ZNF567: variants seen among roughly 807,000 people sequenced by gnomAD.
The protein encoded by ZNF567 is zinc finger protein 567.
ZNF567 carries 36 observed loss-of-function variants against 53.9 expected under a neutral mutation model. The observed-to-expected ratio is 0.67, with a 90% CI of 0.51 to 0.88. The LOEUF is 0.88. Ranked by LOEUF, ZNF567 falls within the 40% of genes least tolerant of loss-of-function variation. The pLI, the probability that ZNF567 is intolerant of heterozygous loss-of-function variation, is 0.00. For missense variants in ZNF567, 619 were observed against 764.7 expected, an observed-to-expected ratio of 0.81 and a Z score of 2.25; for synonymous variants, 224 against 260.4, an observed-to-expected ratio of 0.86 and a Z score of 1.35.
intron 3 of ZNF567, among the ~76,000 whole-genome samples, chr19:36,707,388 C>T (rs1259559077): frequency 6.6e-6 from 1 of 152,140 alleles, no homozygotes. Context: ...TGCTTTCTTT[C>T]TCTTCAAGTT....
At chr19:36,713,672 C>T (rs2039902154) in intron 5 of ZNF567, among the ~76,000 whole-genome samples, 2 of 152,034 alleles carry the variant, frequency 1.3e-5, no homozygotes, top group African/African-American at 4.8e-5. Flanking sequence ...CGGTGGCTCA[C>T]ACCTGTAATC....
rs751379624 is a variant in ZNF567, at chr19:36,712,884, T to C, written c.223+17T>C. 2.2e-5 allele frequency: 36 copies of C among 1,601,570 alleles called. No individual in the cohort carries two copies. Among genetic ancestry groups the C allele is most frequent in the African/African-American group, 2.7e-5 (2 of 74,598 alleles). Reference sequence around the variant, plus strand: ...CCTGCTTGGGTGAGTTTCTGGCTCTTAGGCAGACACAGTCTAGCAGAATGT... The same window carrying C: ...CCTGCTTGGGTGAGTTTCTGGCTCTCAGGCAGACACAGTCTAGCAGAATGT... On this transcript the variant is annotated intron_variant, in intron 5 of 5. Coordinates refer to ENST00000682579, the MANE Select transcript of ZNF567 (RefSeq NM_001322917.1).
chr19:36,707,235 CTTGT>C (rs2039543400), intron 3 of ZNF567, among the ~76,000 whole-genome samples: 2 of 151,058 alleles, frequency 1.3e-5, no homozygotes, highest in Admixed American at 6.6e-5. Flanking sequence ...TCTTTATTTT[CTTGT>C]TTGTTTTGTT....
chr19:36,712,191 C>T (rs370170305), intron 3 of ZNF567, 195 bp from the exon 4 acceptor site: 18 of 468,602 alleles, frequency 3.8e-5, no homozygotes, highest in East Asian at 1.3e-4. Context: ...GGATTACAGG[C>T]GCACACCACT....
At chr19:36,680,992 C>T in the ZNF567 span, among the ~76,000 whole-genome samples, 1 of 152,228 alleles carries the variant, frequency 6.6e-6, no homozygotes, top group Non-Finnish European at 1.5e-5. Flanking sequence ...GTAACATTCA[C>T]AGTTTCCAGA....
chr19:36,714,687 T>C (rs1434925558), intron 5 of ZNF567, among the ~76,000 whole-genome samples: 1 of 152,222 alleles, frequency 6.6e-6, no homozygotes, highest in Non-Finnish European at 1.5e-5. Flanking sequence ...TTTTCTTCCA[T>C]AAAACCTTTG....
At chr19:36,727,038 T>A (rs550269294), downstream of ZNF567, 1 of 70,702 alleles carries the variant, frequency 1.4e-5, no homozygotes, top group Non-Finnish European at 3.0e-5. Flanking sequence ...GCTTTTTCGT[T>A]AGAGTAGATC....
upstream of ZNF567, chr19:36,687,562 C>T (rs2038309237): frequency 6.6e-6 from 1 of 152,284 alleles, no homozygotes; most frequent in African/African-American, 2.4e-5. Flanking sequence ...AGCAGGAACG[C>T]GCCGCGGAGA....
chr19:36,667,693 A>G, the ZNF567 span, among the ~76,000 whole-genome samples: 1 of 136,064 alleles, frequency 7.3e-6, no homozygotes, highest in African/African-American at 2.8e-5. Flanking sequence ...GCTGTCGCCC[A>G]GGCTGGAGTG....
chr19:36,692,824 T>C (rs2038688229), intron 2 of ZNF567, among the ~76,000 whole-genome samples: 1 of 152,258 alleles, frequency 6.6e-6, no homozygotes, highest in East Asian at 1.9e-4. Context: ...AATAAATAAA[T>C]TTTAAAAAGA....
intron 1 of ZNF567, among the ~76,000 whole-genome samples, chr19:36,688,968 G>A (rs1025863064): frequency 1.3e-5 from 2 of 152,186 alleles, no homozygotes; most frequent in South Asian, 2.1e-4. Flanking sequence ...GCATGATGGC[G>A]CATGCCTGTA....
At chr19:36,691,358 G>T (rs898666070) in intron 2 of ZNF567, among the ~76,000 whole-genome samples, 2 of 151,892 alleles carry the variant, frequency 1.3e-5, no homozygotes, top group Admixed American at 1.3e-4. Context: ...ACAGTTGGGG[G>T]TCTTGCTATG....
At chr19:36,727,049 A>G (rs1306215609), downstream of ZNF567, 1 of 27,272 alleles carries the variant, frequency 3.7e-5, no homozygotes, top group African/African-American at 2.0e-4. Context: ...AGAGTAGATC[A>G]ATTTTATTTA....
intron 5 of ZNF567, among the ~76,000 whole-genome samples, chr19:36,715,477 A>C (rs757487339): frequency 2.4e-5 from 1 of 41,982 alleles, no homozygotes; most frequent in African/African-American, 1.2e-4. Context: ...TATTTAACTC[A>C]AAATAATAAT....
At chr19:36,689,252 TG>T in intron 1 of ZNF567, 144 bp from the exon 2 acceptor site, 1 of 143,902 alleles carries the variant, frequency 6.9e-6, no homozygotes, top group South Asian at 2.3e-4. Flanking sequence ...TGTGTGTGTG[TG>T]TGTGTGTGTG....
chr19:36,697,936 T>A lies in ZNF567; in HGVS notation c.9+3060T>A, dbSNP rs1414262922. On this transcript the variant is annotated intron_variant, in intron 3 of 5. Coordinates refer to ENST00000682579, the MANE Select transcript of ZNF567 (RefSeq NM_001322917.1). ...GGAATTTCTTTTTTTTTTTTTTTTT[T>A]ATTATACTTTAAGTTTTAGGGTACA... Among the ~76,000 whole-genome samples the A allele has an allele frequency of 1.1e-4, 14 of 128,528 alleles. No individual in the cohort carries two copies. The South Asian group carries it at 1.5e-3, about 13-fold the overall frequency. 84.3% of individuals were successfully genotyped at this position (128,528 alleles called of 152,430 possible). A position where few individuals can be genotyped will look rare whatever the true frequency, so the allele number is the denominator to read the frequency against.
At chr19:36,715,507 A>ATTC (rs1301494527) in intron 5 of ZNF567, among the ~76,000 whole-genome samples, 1 of 26,452 alleles carries the variant, frequency 3.8e-5, no homozygotes, top group Admixed American at 4.3e-4. Context: ...AATAATAATA[A>ATTC]TAATTATTAT....
intron 2 of ZNF567, among the ~76,000 whole-genome samples, chr19:36,690,509 G>T (rs1252865798): frequency 6.6e-6 from 1 of 152,082 alleles, no homozygotes; most frequent in East Asian, 1.9e-4. Flanking sequence ...AGGATCACCT[G>T]AGCCCAGGGA....
chr19:36,682,800 G>A (rs2038207159), upstream of ZNF567, among the ~76,000 whole-genome samples: 1 of 151,476 alleles, frequency 6.6e-6, no homozygotes, highest in African/African-American at 2.4e-5. Context: ...GTAGAGACAG[G>A]GTTTCACCAT....
Sources: gnomAD v4.1 joint callset for allele counts (sites outside exome capture counted in the v4.1 genomes callset) on GRCh38, gnomAD v4.1.1 for gene constraint, MANE v1.5 for transcripts, NCBI Gene and HGNC (gene_info 2026-07-23, HGNC 2026-07-21) for gene names.